Variants in IL1RAPL2 observed in about 807,000 individuals in gnomAD.
The protein encoded by IL1RAPL2 is X-linked interleukin-1 receptor accessory protein-like 2.
IL1RAPL2 carries 3 observed loss-of-function variants against 44.1 expected under a neutral mutation model. That is an observed-to-expected ratio of 0.07 (90% CI 0.03 to 0.18). IL1RAPL2 has a LOEUF of 0.18. Ranked by LOEUF, IL1RAPL2 falls within the 10% of genes least tolerant of loss-of-function variation. IL1RAPL2 has a pLI of 1.00. For missense variants in IL1RAPL2, 391 were observed against 496.4 expected (o/e 0.79, Z 2.02); for synonymous variants, 181 against 178.8 (o/e 1.01, Z -0.10).
At chrX:104,912,910 C>G (rs748442163) in intron 2 of IL1RAPL2, among the ~76,000 whole-genome samples, 2 of 112,041 alleles carry the variant, frequency 1.8e-5, no homozygotes, top group Non-Finnish European at 3.8e-5. Flanking sequence ...AAAGAAGTAG[C>G]AGGCATAATC....
At chrX:104,838,847 CTTTTTTTTT>C (rs3086025) in intron 2 of IL1RAPL2, among the ~76,000 whole-genome samples, 1 of 36,295 alleles carries the variant, frequency 2.8e-5, no homozygotes, top group East Asian at 1.0e-3. Context: ...TTCTTTCTTT[CTTTTTTTTT>C]TTTTTTTTTT....
At chrX:105,375,141 T>G (rs1005784672) in intron 5 of IL1RAPL2, among the ~76,000 whole-genome samples, 2 of 110,081 alleles carry the variant, frequency 1.8e-5, no homozygotes, top group African/African-American at 6.6e-5. Flanking sequence ...GCCTAATTGC[T>G]CTGCCCTATA....
chrX:105,399,640 A>G (rs761653469), intron 5 of IL1RAPL2, among the ~76,000 whole-genome samples: 2 of 111,524 alleles, frequency 1.8e-5, no homozygotes, highest in Non-Finnish European at 3.8e-5. Context: ...TGATGCTCCA[A>G]TATAGGCAAA....
chrX:105,732,236 C>A (rs923843529), intron 7 of IL1RAPL2, among the ~76,000 whole-genome samples: 4 of 110,415 alleles, frequency 3.6e-5, no homozygotes, highest in Non-Finnish European at 5.7e-5. Flanking sequence ...TTATATTATT[C>A]TATTTTTTCT....
chrX:105,704,268 T>C (rs1569467259), intron 6 of IL1RAPL2, among the ~76,000 whole-genome samples: 1 of 111,983 alleles, frequency 8.9e-6, no homozygotes, highest in Non-Finnish European at 1.9e-5. Context: ...CAAATATATA[T>C]TTAAAACACA....
intron 2 of IL1RAPL2, among the ~76,000 whole-genome samples, chrX:104,662,192 T>C (rs1332909229): frequency 8.9e-6 from 1 of 111,997 alleles, no homozygotes; most frequent in Non-Finnish European, 1.9e-5. Context: ...TGCTTTTGGG[T>C]GGTGTACAAT....
At chrX:105,474,449 A>G (rs2036184832) in intron 5 of IL1RAPL2, among the ~76,000 whole-genome samples, 1 of 111,953 alleles carries the variant, frequency 8.9e-6, no homozygotes, top group African/African-American at 3.2e-5. Flanking sequence ...ATAAAAGTTA[A>G]AACAGTCAAT....
intron 2 of IL1RAPL2, among the ~76,000 whole-genome samples, chrX:104,915,488 T>G (rs1047549016): frequency 2.7e-5 from 3 of 111,725 alleles, no homozygotes; most frequent in African/African-American, 9.8e-5. Flanking sequence ...ATGAGTAGAT[T>G]GCAAAAATTT....
At chrX:104,976,873 C>T (rs1040655102) in intron 2 of IL1RAPL2, among the ~76,000 whole-genome samples, 1 of 89,144 alleles carries the variant, frequency 1.1e-5, no homozygotes, top group East Asian at 3.7e-4. Context: ...ACTGCCCTGA[C>T]TTAAACAATT....
rs147195927 is a variant in IL1RAPL2 at position 105,744,815 on chromosome X, T to A, written c.1048+4124T>A. ...TAAGAAGTTCATCCTAAATTTTTTCTTTGGTGAGCCAAGAGTCTGAACTTA... is the reference window on the plus strand; with the variant it reads ...TAAGAAGTTCATCCTAAATTTTTTCATTGGTGAGCCAAGAGTCTGAACTTA... On this transcript the variant is annotated intron_variant, in intron 8 of 10. Coordinates refer to ENST00000372582, the MANE Select transcript of IL1RAPL2 (RefSeq NM_017416.2). 1.4e-3 allele frequency among the ~76,000 whole-genome samples: 157 copies of A among 111,810 alleles called. 3 individuals carry two copies. In the East Asian group the frequency reaches 0.04, roughly 28 times the overall value.
chrX:104,766,437 C>G (rs1023904364), intron 2 of IL1RAPL2, among the ~76,000 whole-genome samples: 3 of 111,262 alleles, frequency 2.7e-5, no homozygotes, highest in African/African-American at 9.8e-5. Flanking sequence ...CTTCCTCCCT[C>G]CCTCTCTTCT....
intron 2 of IL1RAPL2, among the ~76,000 whole-genome samples, chrX:105,101,966 T>C (rs1170137067): frequency 1.8e-5 from 2 of 111,983 alleles, no homozygotes; most frequent in East Asian, 2.8e-4. Context: ...TCCATACCAT[T>C]GTGACCCCCA....
At chrX:104,955,527 T>G (rs1161478527) in intron 2 of IL1RAPL2, among the ~76,000 whole-genome samples, 2 of 107,134 alleles carry the variant, frequency 1.9e-5, no homozygotes, top group Non-Finnish European at 3.8e-5. Flanking sequence ...TATACTCCCA[T>G]ATATATATTA....
At chrX:104,611,893 G>A (rs1224733762) in intron 1 of IL1RAPL2, among the ~76,000 whole-genome samples, 1 of 108,816 alleles carries the variant, frequency 9.2e-6, no homozygotes, top group Non-Finnish European at 1.9e-5. Flanking sequence ...TAGCTTGCTG[G>A]GGTTCATGGG....
intron 2 of IL1RAPL2, among the ~76,000 whole-genome samples, chrX:104,790,744 T>A: frequency 8.9e-6 from 1 of 111,804 alleles, no homozygotes; most frequent in Admixed American, 9.5e-5. Context: ...CTGTTAACAT[T>A]TTGGTATATC....
chrX:104,855,391 T>A (rs775328314), intron 2 of IL1RAPL2, among the ~76,000 whole-genome samples: 3 of 111,138 alleles, frequency 2.7e-5, no homozygotes, highest in Admixed American at 9.6e-5. Context: ...GGTAAGGGAA[T>A]GGCAATCTGG....
chrX:104,627,044 C>T (rs1569283846), intron 1 of IL1RAPL2, among the ~76,000 whole-genome samples: 1 of 109,400 alleles, frequency 9.1e-6, no homozygotes, highest in African/African-American at 3.3e-5. Context: ...GTCTCCATCT[C>T]CTGACCTCAT....
At chrX:105,498,792 G>A (rs2036372993) in intron 6 of IL1RAPL2, among the ~76,000 whole-genome samples, 1 of 111,422 alleles carries the variant, frequency 9.0e-6, no homozygotes, top group Non-Finnish European at 1.9e-5. Flanking sequence ...AAACAATGAG[G>A]AAAGGATAAT....
chrX:104,634,586 TA>T (rs1326479760), intron 1 of IL1RAPL2, among the ~76,000 whole-genome samples: 1 of 112,155 alleles, frequency 8.9e-6, no homozygotes, highest in Non-Finnish European at 1.9e-5. Flanking sequence ...TTGATCCCTT[TA>T]CCATTATGGA....
Sources: gnomAD v4.1 joint callset for allele counts (sites outside exome capture counted in the v4.1 genomes callset) on GRCh38, gnomAD v4.1.1 for gene constraint, MANE v1.5 for transcripts, NCBI Gene and HGNC (gene_info 2026-07-23, HGNC 2026-07-21) for gene names.